The following EXD3 variants were observed in gnomAD, a reference collection of about 807,000 sequenced individuals.
The protein encoded by EXD3 is exonuclease 3'-5' domain containing 3, also known as exonuclease mut-7 homolog.
A neutral mutation model predicts 98.0 loss-of-function variants in EXD3; 92 were observed. The ratio of observed to expected loss-of-function variants is 0.94; its 90% CI spans 0.79 to 1.12. The LOEUF is 1.12. Among genes scored for constraint, EXD3 ranks in the 50% most tolerant of loss-of-function variants. The pLI is 0.00. For missense variants in EXD3, 1,222 were observed against 1,191.6 expected, an observed-to-expected ratio of 1.03 and a Z score of -0.38; for synonymous variants, 569 against 526.0, an observed-to-expected ratio of 1.08 and a Z score of -1.12.
intron 1 of EXD3, among the ~76,000 whole-genome samples, chr9:137,420,534 G>A (rs901792779): frequency 1.3e-5 from 2 of 152,128 alleles, no homozygotes; most frequent in Non-Finnish European, 2.9e-5. Flanking sequence ...CTGGGATGAC[G>A]TATTTTTGGA....
At chr9:137,404,433 C>T (rs984586050) in intron 1 of EXD3, among the ~76,000 whole-genome samples, 1 of 152,228 alleles carries the variant, frequency 6.6e-6, no homozygotes, top group Non-Finnish European at 1.5e-5. Context: ...AGGTCTCGTC[C>T]CAGTCTCCTC....
At chr9:137,333,076 G>A (rs970246981) in intron 17 of EXD3, among the ~76,000 whole-genome samples, 6 of 152,142 alleles carry the variant, frequency 3.9e-5, no homozygotes, top group Admixed American at 1.3e-4. Flanking sequence ...AATAAAGCAC[G>A]CAGGAGAAGA....
rs951219066 is a variant in EXD3, at chr9:137,320,320, G to A, written c.2184+3405C>T. ...GGGTACCCTCCAGGCCAAATTCCCC[G>A]CCGGCTGTTTGCAGTCTTTCAGATC... is the stretch of plus-strand genomic sequence containing the variant. On this transcript the variant is annotated intron_variant, in intron 19 of 21. Transcript: ENST00000340951. Among the ~76,000 whole-genome samples, 11 of 152,306 alleles carry A rather than the reference G, an allele frequency of 7.2e-5. No homozygotes were observed. In the South Asian group the frequency reaches 8.3e-4, roughly 11 times the overall value.
intron 17 of EXD3, among the ~76,000 whole-genome samples, chr9:137,335,116 C>A (rs138487064): frequency 1.2e-4 from 18 of 151,528 alleles, no homozygotes; most frequent in Admixed American, 1.2e-3. Context: ...AAACAAATAG[C>A]CCACAGAATG....
intron 2 of EXD3, among the ~76,000 whole-genome samples, chr9:137,390,223 G>A (rs1836828964): frequency 6.7e-6 from 1 of 150,340 alleles, no homozygotes; most frequent in African/African-American, 2.5e-5. Flanking sequence ...GAGGTCAGGA[G>A]ATCGAGACCA....
chr9:137,324,174 G>A lies in EXD3; in HGVS notation c.1999-31C>T, dbSNP rs758043920. 1.9e-6 allele frequency: 3 copies of A among 1,553,912 alleles called. No homozygotes were observed. Among genetic ancestry groups the A allele is most frequent in the African/African-American group, 1.4e-5 (1 of 73,320 alleles). ...TGGGAGGTGCGACCAGCACATAAAG[G>A]GGGCAGCTCCGTGCTCCTGGACTGG... is the stretch of plus-strand genomic sequence containing the variant. On this transcript the variant is annotated intron_variant, in intron 17 of 21. Coordinates refer to ENST00000340951, the MANE Select transcript of EXD3 (RefSeq NM_017820.5). The surrounding 1 kb of genome is among the most constrained non-coding windows in gnomAD (Gnocchi z 4.1).
intron 1 of EXD3, among the ~76,000 whole-genome samples, chr9:137,419,166 GTAT>G (rs1274945136): frequency 6.6e-6 from 1 of 152,150 alleles, no homozygotes; most frequent in Non-Finnish European, 1.5e-5. Flanking sequence ...TGGTATAAAT[GTAT>G]TATTAACATA....
At chr9:137,328,641 G>T (rs79097974) in intron 17 of EXD3, among the ~76,000 whole-genome samples, 1 of 21,776 alleles carries the variant, frequency 4.6e-5, no homozygotes, top group African/African-American at 2.4e-4. Context: ...ACTACACGGG[G>T]CTACACGGGA....
At position 137,374,150 on chromosome 9, in the gene EXD3, G is replaced by A. The variant is rs187546179; in HGVS notation, c.121-551C>T. Among the ~76,000 whole-genome samples the A allele has an allele frequency of 2.2e-3, 335 of 152,374 alleles. 6 individuals carry two copies. The highest frequency in any genetic ancestry group is 0.018 in the Admixed American group (283 of 15,312). Reference sequence around the variant, plus strand: ...CTCGCTGCTGTGCAGCAGCCTCAGCGGCGCCGTCCTCTGTGGATTCCTGCA... The same window carrying A: ...CTCGCTGCTGTGCAGCAGCCTCAGCAGCGCCGTCCTCTGTGGATTCCTGCA... On this transcript the variant is annotated intron_variant, in intron 3 of 21. Transcript: ENST00000340951.
rs1417843082 is a variant in EXD3 at position 137,403,808 on chromosome 9, C to T, written c.-47-8404G>A. Among the ~76,000 whole-genome samples, 2 of 152,274 alleles carry T rather than the reference C, an allele frequency of 1.3e-5. No homozygotes were observed. The highest frequency in any genetic ancestry group is 4.1e-4 in the South Asian group (2 of 4,826). Reference sequence around the variant, plus strand: ...AGGCCCTCTCCACCATGCCCAGAACCGTGGATGCCCCAGCCTGGGCTCTTC... The same window carrying T: ...AGGCCCTCTCCACCATGCCCAGAACTGTGGATGCCCCAGCCTGGGCTCTTC... On this transcript the variant is annotated intron_variant, in intron 1 of 21. Coordinates refer to ENST00000340951, the MANE Select transcript of EXD3 (RefSeq NM_017820.5). The surrounding 1 kb of genome is among the most constrained non-coding windows in gnomAD (Gnocchi z 6.1).
rs1443649216 is a variant in EXD3, at chr9:137,360,703, C to T, written c.657-4335G>A. 1.9e-4 allele frequency among the ~76,000 whole-genome samples: 16 copies of T among 84,682 alleles called. 7 individuals carry two copies. In the Admixed American group the frequency reaches 2.0e-3, roughly 11 times the overall value. The allele number at this position is 84,682 out of a possible 152,430, so 55.6% of individuals were successfully genotyped here. The stretch of plus-strand genomic sequence containing the variant: ...CTGGAACTCCTGACCTCAAGTGATC[C>T]GCCTGCCTCAACCTCCCAAAGTGCT... On this transcript the variant is annotated intron_variant, in intron 7 of 21. Coordinates refer to ENST00000340951, the MANE Select transcript of EXD3 (RefSeq NM_017820.5).
At chr9:137,392,758 G>A in intron 2 of EXD3, 1 of 366,772 alleles carries the variant, frequency 2.7e-6, no homozygotes, top group South Asian at 2.1e-5. Flanking sequence ...CACCGAGGCT[G>A]TTCCAGGGGG....
chr9:137,382,149 C>CAT lies in EXD3; in HGVS notation c.120+1163_120+1164insAT, dbSNP rs1564194829. ...AGGGCGCGGGGAGGAGGTGAGGGCG[C>CAT]GGGGAGGAGGTGGGAGCATGCGGAG... On this transcript the variant is annotated intron_variant, in intron 3 of 21. Coordinates refer to ENST00000340951, the MANE Select transcript of EXD3 (RefSeq NM_017820.5). Among the ~76,000 whole-genome samples the CAT allele has an allele frequency of 5.6e-3, 375 of 66,694 alleles. 2 individuals carry two copies. Among genetic ancestry groups the CAT allele is most frequent in the Middle Eastern group, 0.015 (2 of 134 alleles). The allele number at this position is 66,694 out of a possible 152,430, so 43.8% of individuals were successfully genotyped here.
intron 8 of EXD3, among the ~76,000 whole-genome samples, chr9:137,355,076 G>A (rs1033186875): frequency 1.3e-5 from 2 of 152,186 alleles, no homozygotes; most frequent in Non-Finnish European, 2.9e-5. Flanking sequence ...TGGCATCTGC[G>A]TTTGTGCCCT....
chr9:137,389,238 G>A (rs947035280), intron 2 of EXD3, among the ~76,000 whole-genome samples: 4 of 152,160 alleles, frequency 2.6e-5, no homozygotes, highest in Admixed American at 2.0e-4. Context: ...CAAGCCCGGC[G>A]GACAGCGTGT....
chr9:137,365,300 C>T (rs1441549422), intron 7 of EXD3: 1 of 152,268 alleles, frequency 6.6e-6, no homozygotes, highest in Admixed American at 6.5e-5. Context: ...GCCTGACGTC[C>T]AAGTCCAAGC....
intron 17 of EXD3, among the ~76,000 whole-genome samples, chr9:137,331,496 T>C (rs1833061079): frequency 6.6e-6 from 1 of 152,166 alleles, no homozygotes; most frequent in Admixed American, 6.5e-5. Context: ...GTTATGACTG[T>C]ATACCTCGAA....
chr9:137,328,801 G>A (rs867700268), intron 17 of EXD3, among the ~76,000 whole-genome samples: 12 of 13,320 alleles, frequency 9.0e-4, no homozygotes, highest in African/African-American at 1.1e-3. Flanking sequence ...ACTACACGGG[G>A]CTACACGGGA....
At chr9:137,340,023 A>G (rs915433802) in intron 17 of EXD3, among the ~76,000 whole-genome samples, 1 of 152,250 alleles carries the variant, frequency 6.6e-6, no homozygotes, top group Non-Finnish European at 1.5e-5. Context: ...AGGGGCATTT[A>G]GCAAGTTTTC....
Sources: allele counts gnomAD v4.1 joint callset (sites outside exome capture counted in the v4.1 genomes callset), GRCh38; gene constraint gnomAD v4.1.1; non-coding constraint Gnocchi (gnomAD v3.1); transcripts MANE v1.5; gene names NCBI Gene and HGNC (gene_info 2026-07-23, HGNC 2026-07-21).